NRBP2: variants seen among roughly 807,000 people sequenced by gnomAD.
The protein encoded by NRBP2 is nuclear receptor-binding protein 2.
NRBP2 carries 47 observed loss-of-function variants against 74.4 expected under a neutral mutation model. The ratio of observed to expected loss-of-function variants is 0.63; its 90% confidence interval spans 0.50 to 0.81. The LOEUF (loss-of-function observed/expected upper bound fraction) is 0.81, where lower values mean the gene tolerates loss of function less well. NRBP2 is among the 30% of genes least tolerant of loss of function. The probability of loss-of-function intolerance (pLI) is 0.00; values close to 1 mark genes in which losing one functional copy is unlikely to be tolerated. For synonymous variants in NRBP2, 312 were observed against 273.8 expected, an observed-to-expected ratio of 1.14 and a Z score of -1.38; for missense variants, 613 against 690.1, an observed-to-expected ratio of 0.89 and a Z score of 1.25.
chr8:143,837,048 C>G lies in NRBP2; in HGVS notation c.1254G>C (p.Glu418Asp). ...AGGAGAGGGGACTCACCTTTCTGGTCTCAGAGTCAAAGGGCTCTGGCGTCG... is the reference window on the plus strand; with the variant it reads ...AGGAGAGGGGACTCACCTTTCTGGTGTCAGAGTCAAAGGGCTCTGGCGTCG... ...KTPTPEPFDS[E>D]TRKVIQMQCN... The change falls in exon 14 of 18, where the codon GAG (glutamate) becomes GAC (aspartate). Residue 418 changes from glutamate to aspartate, a missense_variant. Physicochemically the swap from Glu to Asp is conservative, Grantham distance 45. Coordinates refer to ENST00000442628, the MANE Select transcript of NRBP2 (RefSeq NM_178564.4). This position sits in a 1 kb window ranked among gnomAD's most constrained non-coding sequence, Gnocchi z 4.3. 3 of 1,610,262 alleles carry G rather than the reference C, an allele frequency of 1.9e-6. No individual in the cohort carries two copies. The highest frequency in any genetic ancestry group is 4.5e-5 in the East Asian group (2 of 44,864).
At chr8:143,838,563 C>G in intron 10 of NRBP2, 117 bp downstream of exon 10, 1 of 740,632 alleles carries the variant, frequency 1.4e-6, no homozygotes, top group Non-Finnish European at 2.2e-6. Flanking sequence ...GTGCAGTCAG[C>G]TGGTATACCC....
chr8:143,840,268 G>A lies in NRBP2; in HGVS notation c.130-39C>T, dbSNP rs117132419. 5 of 1,534,184 alleles carry A rather than the reference G, an allele frequency of 3.3e-6. No individual in the cohort carries two copies. In the African/African-American group the frequency reaches 4.1e-5, roughly 13 times the overall value. ...AAGGGTTATGTGTGCCCTGGTGTGT[G>A]TCAGGGTTGTGGGTGAGGATTTGGT... On this transcript the variant is annotated intron_variant, in intron 1 of 17. Coordinates refer to ENST00000442628, the MANE Select transcript of NRBP2 (RefSeq NM_178564.4). This position sits in a 1 kb window ranked among gnomAD's most constrained non-coding sequence, Gnocchi z 5.7.
At position 143,839,390 on chromosome 8, in the gene NRBP2, G is replaced by C; in HGVS notation, c.504C>G (p.Ser168Arg). 1 of 1,583,054 alleles carries C rather than the reference G, an allele frequency of 6.3e-7. No homozygotes were observed. The highest frequency in any genetic ancestry group is 2.3e-5 in the East Asian group (1 of 43,882). Reference protein sequence around the residue: ...LSALSFLHACSPPIIHGNLTS... With the variant: ...LSALSFLHACRPPIIHGNLTS... ...TCAGGTTCCCGTGGATGATTGGGGGGCTGCAGGCGTGCAGGAAGCTGCAGA... is the reference window on the plus strand; with the variant it reads ...TCAGGTTCCCGTGGATGATTGGGGGCCTGCAGGCGTGCAGGAAGCTGCAGA... Residue 168 changes from serine to arginine, a missense_variant, in exon 6 of 18, where the codon AGC becomes AGG. Ser to Arg is a moderately radical substitution (Grantham distance 110). Transcript: ENST00000442628. The surrounding 1 kb of genome is among the most constrained non-coding windows in gnomAD (Gnocchi z 5.1).
At chr8:143,831,667 G>T (rs1461633718), downstream of NRBP2, among the ~76,000 whole-genome samples, 1 of 152,128 alleles carries the variant, frequency 6.6e-6, no homozygotes, top group African/African-American at 2.4e-5. Context: ...TAAATAAATT[G>T]TCCAGAAAAT....
Position 143,834,495 on chromosome 8 carries a change from C to G in NRBP2, c.*1167G>C, listed in dbSNP as rs1227699233. On this transcript the variant is annotated 3_prime_UTR_variant, in exon 18 of 18. Transcript: ENST00000442628. ...AGCCTTGATTCTAGTCCAGTGAGAC[C>G]CATAGTCAGACTTCCAGCCTACAGA... 1.3e-5 allele frequency: 2 copies of G among 152,130 alleles called. No individual in the cohort carries two copies. Among genetic ancestry groups the G allele is most frequent in the African/African-American group, 4.8e-5 (2 of 41,408 alleles). 9.4% of individuals were successfully genotyped at this position (152,130 alleles called of 1,614,324 possible).
At position 143,836,963 on chromosome 8, in the gene NRBP2, G is replaced by A. The variant is rs559594891; in HGVS notation, c.1263+76C>T. 1.7e-5 allele frequency: 26 copies of A among 1,521,254 alleles called. No individual in the cohort carries two copies. In the South Asian group the frequency reaches 2.1e-4, roughly 13 times the overall value. 94.2% of individuals were successfully genotyped at this position (1,521,254 alleles called of 1,614,324 possible). A position where few individuals can be genotyped will look rare whatever the true frequency, so the allele number is the denominator to read the frequency against. On this transcript the variant is annotated intron_variant, in intron 14 of 17. Transcript: ENST00000442628. ...TGGGCTGTGGGGATGCAGGCCCTAA[G>A]AGAAGGAGGGGCACCTCTTATCTGG...
In NRBP2 at chr8:143,840,335, G is replaced by A. The variant is rs1351646231; in HGVS notation, c.130-106C>T. 7.0e-7 allele frequency: 1 copy of A among 1,422,354 alleles called. No homozygotes were observed. Among genetic ancestry groups the A allele is most frequent in the Non-Finnish European group, 9.4e-7 (1 of 1,062,824 alleles). 88.1% of individuals were successfully genotyped at this position (1,422,354 alleles called of 1,614,324 possible). On this transcript the variant is annotated intron_variant, in intron 1 of 17. Coordinates refer to ENST00000442628, the MANE Select transcript of NRBP2 (RefSeq NM_178564.4). This position sits in a 1 kb window ranked among gnomAD's most constrained non-coding sequence, Gnocchi z 5.7. Reference sequence around the variant, plus strand: ...CCAGTGGGCCCAAGCGTGGGCTGCAGGCCCTGAGCCACTCTGCGGGAAGGT... The same window carrying A: ...CCAGTGGGCCCAAGCGTGGGCTGCAAGCCCTGAGCCACTCTGCGGGAAGGT...
Position 143,839,681 on chromosome 8 carries a change from G to A in NRBP2, c.444+55C>T, listed in dbSNP as rs879997919. The A allele has an allele frequency of 1.0e-5, 16 of 1,531,126 alleles. No homozygotes were observed. The highest frequency in any genetic ancestry group is 2.7e-5 in the African/African-American group (2 of 72,932). 94.8% of individuals were successfully genotyped at this position (1,531,126 alleles called of 1,614,324 possible). A position where few individuals can be genotyped will look rare whatever the true frequency, so the allele number is the denominator to read the frequency against. On this transcript the variant is annotated intron_variant, in intron 4 of 17. Transcript: ENST00000442628. This position sits in a 1 kb window ranked among gnomAD's most constrained non-coding sequence, Gnocchi z 5.1. ...GCACCCCCTCACCATCCCAGTCCCC[G>A]AGGCTGCCCCAACCCCGTCCTGTCC...
At chr8:143,830,314 G>A (rs1364366969), downstream of NRBP2, among the ~76,000 whole-genome samples, 1 of 152,240 alleles carries the variant, frequency 6.6e-6, no homozygotes, top group Admixed American at 6.5e-5. Flanking sequence ...GTGTCTGAGG[G>A]TCGTGGGTGA....
downstream of NRBP2, among the ~76,000 whole-genome samples, chr8:143,832,877 C>G (rs994502478): frequency 7.2e-5 from 11 of 152,334 alleles, no homozygotes; most frequent in East Asian, 1.9e-3. Flanking sequence ...ACTTTTGTCT[C>G]TGTGTCTTTT....
At chr8:143,838,977 G>T (rs1554652693) in intron 8 of NRBP2, 39 bp from the exon 9 acceptor site, 2 of 1,568,972 alleles carry the variant, frequency 1.3e-6, no homozygotes, top group Non-Finnish European at 1.7e-6. Context: ...GGAGAGAAGC[G>T]CAGGGTAGGC....
chr8:143,838,798 G>A lies in NRBP2; in HGVS notation c.745-23C>T, dbSNP rs1554652607. ...CATCTGGGGCACAGAGCCAGGTCAG[G>A]CATGGGGAAGGGACCACACAGGTGA... On this transcript the variant is annotated intron_variant, in intron 9 of 17. Transcript: ENST00000442628. The A allele has an allele frequency of 3.1e-6, 5 of 1,611,402 alleles. No individual in the cohort carries two copies. In the East Asian group the frequency reaches 6.7e-5, roughly 22 times the overall value.
rs1554653353 is a variant in NRBP2 at position 143,840,124 on chromosome 8, C to A, written c.235G>T (p.Ala79Ser). Residue 79 changes from alanine to serine, a missense_variant, in exon 2 of 18, where the codon GCC (alanine) becomes TCC (serine). Coordinates refer to ENST00000442628, the MANE Select transcript of NRBP2 (RefSeq NM_178564.4). This position sits in a 1 kb window ranked among gnomAD's most constrained non-coding sequence, Gnocchi z 5.7. ...WNELHFGDRKAFAAHEEKIQT... is the reference protein window; with the variant it reads ...WNELHFGDRKSFAAHEEKIQT... Reference sequence around the variant, plus strand: ...GGTCTCACCTCGTGCGCCGCGAAGGCCTTCCTGTCTCCGAAGTGGAGCTCG... The same window carrying A: ...GGTCTCACCTCGTGCGCCGCGAAGGACTTCCTGTCTCCGAAGTGGAGCTCG... 6 of 1,536,154 alleles carry A rather than the reference C, an allele frequency of 3.9e-6. No homozygotes were observed. The highest frequency in any genetic ancestry group is 5.2e-6 in the Non-Finnish European group (6 of 1,146,894).
Position 143,835,652 on chromosome 8 carries a change from G to T in NRBP2, c.*10C>A, listed in dbSNP as rs782692588. 4 of 1,570,626 alleles carry T rather than the reference G, an allele frequency of 2.5e-6. No homozygotes were observed. The South Asian group carries it at 4.7e-5, about 19-fold the overall frequency. On this transcript the variant is annotated 3_prime_UTR_variant, in exon 18 of 18. Transcript: ENST00000442628. The surrounding 1 kb of genome is among the most constrained non-coding windows in gnomAD (Gnocchi z 4.9). ...ACCCCGGCATGGTCCCCTGGGGCTG[G>T]GGCTCCGGGTCAGGCCTGGGTCCCA...
chr8:143,837,524 G>A lies in NRBP2; in HGVS notation c.974-15C>T, dbSNP rs1469270077. On this transcript the variant is annotated splice_polypyrimidine_tract_variant and intron_variant, in intron 11 of 17. Transcript: ENST00000442628. This position sits in a 1 kb window ranked among gnomAD's most constrained non-coding sequence, Gnocchi z 4.3. ...AGGCATGAGGTCTGCGGCCACAAGA[G>A]CATCAAGGCGGTGTGCTCAGGCCGT... 10 of 1,604,212 alleles carry A rather than the reference G, an allele frequency of 6.2e-6. No individual in the cohort carries two copies. Among genetic ancestry groups the A allele is most frequent in the Non-Finnish European group, 8.5e-6 (10 of 1,175,722 alleles).
At chr8:143,829,858 C>CCTAG (rs1383288536), downstream of NRBP2, 1 of 152,314 alleles carries the variant, frequency 6.6e-6, no homozygotes, top group African/African-American at 2.4e-5. Flanking sequence ...AACCGATGAC[C>CCTAG]CTAGGTTGGC....
rs1554652992 is a variant in NRBP2 at position 143,839,470 on chromosome 8, G to A, written c.485+39C>T. 6.5e-6 allele frequency: 10 copies of A among 1,530,502 alleles called. No individual in the cohort carries two copies. The highest frequency in any genetic ancestry group is 8.7e-6 in the Non-Finnish European group (10 of 1,143,296). 94.8% of individuals were successfully genotyped at this position (1,530,502 alleles called of 1,614,324 possible). ...GTCAGGAGGCTCTGGAGAGATGGGG[G>A]CTCGGTGGCGCCGCGCCCAGGCCAG... On this transcript the variant is annotated intron_variant, in intron 5 of 17. Coordinates refer to ENST00000442628, the MANE Select transcript of NRBP2 (RefSeq NM_178564.4). This position sits in a 1 kb window ranked among gnomAD's most constrained non-coding sequence, Gnocchi z 5.1.
rs1449348397 is a variant in NRBP2, at chr8:143,839,382, A to T, written c.512T>A (p.Ile171Asn). The T allele has an allele frequency of 1.3e-6, 2 of 1,585,600 alleles. No homozygotes were observed. The highest frequency in any genetic ancestry group is 1.7e-6 in the Non-Finnish European group (2 of 1,173,680). Reference protein sequence around the residue: ...LSFLHACSPPIIHGNLTSDTI... With the variant: ...LSFLHACSPPNIHGNLTSDTI... ...GTCGCTGGTCAGGTTCCCGTGGATGATTGGGGGGCTGCAGGCGTGCAGGAA... is the reference window on the plus strand; with the variant it reads ...GTCGCTGGTCAGGTTCCCGTGGATGTTTGGGGGGCTGCAGGCGTGCAGGAA... Residue 171 changes from isoleucine to asparagine, a missense_variant, in exon 6 of 18, where the codon ATC becomes AAC. Physicochemically the swap from Ile to Asn is moderately radical, Grantham distance 149. Around this residue, in one of 2 missense-constraint regions of NRBP2, gnomAD observed 332 missense variants for 429.2 expected, o/e 0.77. Transcript: ENST00000442628. The surrounding 1 kb of genome is among the most constrained non-coding windows in gnomAD (Gnocchi z 5.1).
At chr8:143,831,061 C>T (rs1554650146), downstream of NRBP2, among the ~76,000 whole-genome samples, 1 of 152,168 alleles carries the variant, frequency 6.6e-6, no homozygotes, top group East Asian at 1.9e-4. Context: ...AGGTGGGGGG[C>T]TGGTCTGCCA....
Sources: allele counts gnomAD v4.1 joint callset (sites outside exome capture counted in the v4.1 genomes callset), GRCh38; gene constraint gnomAD v4.1.1; regional missense constraint gnomAD v4.1.1; non-coding constraint Gnocchi (gnomAD v3.1); transcripts MANE v1.5; gene names NCBI Gene and HGNC (gene_info 2026-07-23, HGNC 2026-07-21).